Variants in MYO5B observed in about 807,000 individuals in gnomAD.
MYO5B encodes the protein myosin VB.
MYO5B carries 143 observed loss-of-function variants against 229.3 expected under a neutral mutation model. The observed-to-expected ratio is 0.62, with a 90% CI of 0.54 to 0.72. The LOEUF (loss-of-function observed/expected upper bound fraction) is 0.72, where lower values mean the gene tolerates loss of function less well. Ranked by LOEUF, MYO5B falls within the 30% of genes least tolerant of loss-of-function variation. The pLI is 0.00. For synonymous variants in MYO5B, 918 were observed against 885.2 expected, an observed-to-expected ratio of 1.04 and a Z score of -0.66; for missense variants, 2,321 against 2,331.0, an observed-to-expected ratio of 1.00 and a Z score of 0.09.
At chr18:49,990,385 A>C in intron 7 of MYO5B, 54 bp downstream of exon 7, 1 of 1,458,412 alleles carries the variant, frequency 6.9e-7, no homozygotes, top group African/African-American at 1.4e-5. Context: ...CCAGCTGTGC[A>C]CCCGCTGGAG....
intron 1 of MYO5B, among the ~76,000 whole-genome samples, chr18:50,177,525 C>T (rs890569960): frequency 6.6e-6 from 1 of 152,244 alleles, no homozygotes; most frequent in Admixed American, 6.5e-5. Context: ...CCCTATCCCC[C>T]ACCCATCCAA....
intron 16 of MYO5B, among the ~76,000 whole-genome samples, chr18:49,934,209 C>G (rs373069917): frequency 1.2e-4 from 19 of 152,078 alleles, no homozygotes; most frequent in African/African-American, 3.4e-4. Flanking sequence ...AAATGAGACA[C>G]AGAGAGCAAA....
chr18:49,935,150 G>A (rs528282819), intron 16 of MYO5B, among the ~76,000 whole-genome samples: 2 of 152,308 alleles, frequency 1.3e-5, no homozygotes, highest in South Asian at 4.1e-4. Flanking sequence ...CCAGGGTGAG[G>A]AACGTGCATG....
At chr18:50,089,115 C>G (rs1568102073) in intron 1 of MYO5B, among the ~76,000 whole-genome samples, 1 of 152,146 alleles carries the variant, frequency 6.6e-6, no homozygotes, top group East Asian at 1.9e-4. Context: ...CACAGTGGCT[C>G]ACACCTGTAA....
intron 1 of MYO5B, among the ~76,000 whole-genome samples, chr18:50,132,281 C>G (rs115347082): frequency 6.6e-6 from 1 of 152,218 alleles, no homozygotes; most frequent in African/African-American, 2.4e-5. Flanking sequence ...AATGGTTACA[C>G]GTCAAGTGCT....
At chr18:50,049,579 C>T (rs981201193) in intron 2 of MYO5B, among the ~76,000 whole-genome samples, 24 of 152,306 alleles carry the variant, frequency 1.6e-4, no homozygotes, top group African/African-American at 5.8e-4. Flanking sequence ...AGTTTCCCAG[C>T]CTTGTCACTG....
In MYO5B at chr18:49,843,032, C is replaced by T. The variant is rs191207832; in HGVS notation, c.4611+209G>A. Reference sequence around the variant, plus strand: ...GGAGGGCTACCTACACCAGAGTCCTCGGCTTTCTGCCATTGCTGGGCCTGA... The same window carrying T: ...GGAGGGCTACCTACACCAGAGTCCTTGGCTTTCTGCCATTGCTGGGCCTGA... On this transcript the variant is annotated intron_variant, in intron 34 of 39. Transcript: ENST00000285039. Among the ~76,000 whole-genome samples, 171 of 152,332 alleles carry T rather than the reference C, an allele frequency of 1.1e-3. 1 individual carries two copies. The highest frequency in any genetic ancestry group is 1.8e-3 in the Non-Finnish European group (122 of 68,028).
intron 1 of MYO5B, among the ~76,000 whole-genome samples, chr18:50,069,644 T>C (rs1164080762): frequency 2.6e-5 from 4 of 152,112 alleles, no homozygotes; most frequent in African/African-American, 7.2e-5. Context: ...CTTATGCAAA[T>C]AGTAATTCCT....
chr18:50,034,676 G>A (rs1035822705), intron 4 of MYO5B, among the ~76,000 whole-genome samples: 4 of 152,014 alleles, frequency 2.6e-5, no homozygotes, highest in South Asian at 2.1e-4. Flanking sequence ...CCTGGGGGGC[G>A]GAGGTTGCAG....
At chr18:50,097,951 T>C (rs898184809) in intron 1 of MYO5B, among the ~76,000 whole-genome samples, 2 of 152,140 alleles carry the variant, frequency 1.3e-5, no homozygotes, top group South Asian at 2.1e-4. Flanking sequence ...AAACTAATGC[T>C]CTACCCTAAA....
intron 4 of MYO5B, among the ~76,000 whole-genome samples, chr18:50,033,019 G>C (rs1269650449): frequency 1.3e-5 from 2 of 152,028 alleles, no homozygotes; most frequent in Non-Finnish European, 2.9e-5. Flanking sequence ...TTTCTCTTGG[G>C]TGCATACCTA....
chr18:50,129,288 A>G (rs1449690596), intron 1 of MYO5B, among the ~76,000 whole-genome samples: 3 of 152,222 alleles, frequency 2.0e-5, no homozygotes, highest in Non-Finnish European at 4.4e-5. Context: ...TCCACACAGC[A>G]CACTTACCAC....
chr18:50,179,813 T>C (rs918758964), intron 1 of MYO5B, among the ~76,000 whole-genome samples: 2 of 152,188 alleles, frequency 1.3e-5, no homozygotes, highest in Non-Finnish European at 2.9e-5. Context: ...TCATCTCCCT[T>C]AATGCCTAAA....
intron 1 of MYO5B, among the ~76,000 whole-genome samples, chr18:50,130,500 A>G (rs1424133557): frequency 6.6e-6 from 1 of 152,160 alleles, no homozygotes; most frequent in Admixed American, 6.5e-5. Context: ...CTGTGGCTCT[A>G]GGAAGGTCTT....
chr18:50,066,277 A>G (rs774603971), intron 1 of MYO5B, among the ~76,000 whole-genome samples: 1 of 152,212 alleles, frequency 6.6e-6, no homozygotes, highest in Non-Finnish European at 1.5e-5. Flanking sequence ...AATCATGGAC[A>G]TCATTTGTCC....
intron 4 of MYO5B, among the ~76,000 whole-genome samples, chr18:50,033,383 A>T (rs983267364): frequency 1.3e-5 from 2 of 152,184 alleles, no homozygotes; most frequent in African/African-American, 4.8e-5. Flanking sequence ...TAGGTCTCCA[A>T]GCGCAATTTA....
intron 9 of MYO5B, among the ~76,000 whole-genome samples, chr18:49,976,869 C>T (rs1490995298): frequency 6.6e-6 from 1 of 152,234 alleles, no homozygotes; most frequent in Non-Finnish European, 1.5e-5. Flanking sequence ...TGCCTGGGGA[C>T]CGCTTGGCAG....
In MYO5B at chr18:49,875,724, A is replaced by G; in HGVS notation, c.3500T>C (p.Leu1167Pro). ...GCTGTCCTGCTGTTCTCTCTTCTCC[A>G]GCTGCACTTGCAGCTTTTTCCTCTC... Reference protein sequence around the residue: ...EQERKKLQVQLEKREQQDSKK... With the variant: ...EQERKKLQVQPEKREQQDSKK... Residue 1167 changes from leucine to proline, a missense_variant, in exon 26 of 40, where the codon CTG becomes CCG. Leu to Pro is a moderately conservative substitution (Grantham distance 98). This residue lies in a region of MYO5B where 2,113 missense variants were observed against 2,044.7 expected (regional missense o/e 1.03). Transcript: ENST00000285039. 1 of 1,614,124 alleles carries G rather than the reference A, an allele frequency of 6.2e-7. No homozygotes were observed. Among genetic ancestry groups the G allele is most frequent in the East Asian group, 2.2e-5 (1 of 44,890 alleles).
chr18:50,041,524 A>G (rs2030014620), intron 2 of MYO5B, among the ~76,000 whole-genome samples: 2 of 152,306 alleles, frequency 1.3e-5, no homozygotes, highest in South Asian at 4.1e-4. Context: ...TGTATGTTAT[A>G]ATGTTAAATT....
Sources: allele counts gnomAD v4.1 joint callset (sites outside exome capture counted in the v4.1 genomes callset), GRCh38; gene constraint gnomAD v4.1.1; regional missense constraint gnomAD v4.1.1; transcripts MANE v1.5; gene names NCBI Gene and HGNC (gene_info 2026-07-23, HGNC 2026-07-21).